The following MALL variants were observed in gnomAD, a reference collection of about 807,000 sequenced individuals.
MALL encodes MAL-like protein.
MALL carries 2 observed loss-of-function variants against 10.3 expected under a neutral mutation model. The ratio of observed to expected loss-of-function variants is 0.19; its 90% CI spans 0.08 to 0.61. The LOEUF (loss-of-function observed/expected upper bound fraction) is 0.61, where lower values mean the gene tolerates loss of function less well. Among genes scored for constraint, MALL ranks in the 20% least tolerant of loss-of-function variants. The pLI, the probability that MALL is intolerant of heterozygous loss-of-function variation, is 0.88. For missense variants in MALL, 39 were observed against 115.2 expected, an observed-to-expected ratio of 0.34 and a Z score of 3.03; for synonymous variants, 27 against 51.8, an observed-to-expected ratio of 0.52 and a Z score of 2.05.
upstream of MALL, among the ~76,000 whole-genome samples, chr2:110,116,887 A>C (rs1342586139): frequency 6.6e-6 from 1 of 152,030 alleles, no homozygotes; most frequent in Non-Finnish European, 1.5e-5. Context: ...AGATTGTGTG[A>C]GGGCTGGAGT....
chr2:110,117,624 T>TGTGTGTGA (rs1292836050), upstream of MALL, among the ~76,000 whole-genome samples: 11 of 122,798 alleles, frequency 9.0e-5, no homozygotes, highest in African/African-American at 2.8e-4. Context: ...TGTGTGTGTG[T>TGTGTGTGA]GAGAGAGAGA....
At chr2:110,095,260 A>C (rs1237194400) in intron 1 of MALL, among the ~76,000 whole-genome samples, 9 of 152,086 alleles carry the variant, frequency 5.9e-5, no homozygotes, top group Non-Finnish European at 1.3e-4. Context: ...TTCCCATTTT[A>C]ATGTTTATTT....
At chr2:110,090,260 AT>A (rs1204282217) in intron 2 of MALL, among the ~76,000 whole-genome samples, 4 of 134,914 alleles carry the variant, frequency 3.0e-5, no homozygotes, top group African/African-American at 1.2e-4. Flanking sequence ...TAAATGAAAA[AT>A]TCCAGAAATT....
At chr2:110,110,170 C>A (rs1362522918) in intron 1 of MALL, among the ~76,000 whole-genome samples, 2 of 151,870 alleles carry the variant, frequency 1.3e-5, no homozygotes, top group African/African-American at 4.8e-5. Context: ...ACTAGAGAAT[C>A]AAGAACAAAC....
chr2:110,111,680 T>C (rs1012427105), intron 1 of MALL, among the ~76,000 whole-genome samples: 1 of 151,830 alleles, frequency 6.6e-6, no homozygotes, highest in African/African-American at 2.4e-5. Context: ...ACAAATTCAA[T>C]GCAATCCCCA....
intron 1 of MALL, among the ~76,000 whole-genome samples, chr2:110,115,462 C>A (rs1678887098): frequency 6.6e-6 from 1 of 150,922 alleles, no homozygotes; most frequent in Non-Finnish European, 1.5e-5. Context: ...ACCGCAGCCC[C>A]TGTGCTCGCT....
At chr2:110,098,210 A>C (rs889452582) in intron 1 of MALL, among the ~76,000 whole-genome samples, 39 of 151,702 alleles carry the variant, frequency 2.6e-4, no homozygotes, top group African/African-American at 9.4e-4. Context: ...CTTTTTAAAA[A>C]TTGTGGTTAA....
At chr2:110,100,803 G>T (rs576338609) in intron 1 of MALL, among the ~76,000 whole-genome samples, 2 of 152,186 alleles carry the variant, frequency 1.3e-5, no homozygotes, top group African/African-American at 2.4e-5. Flanking sequence ...GGGGCCATGC[G>T]GGGGTCTGGG....
intron 1 of MALL, among the ~76,000 whole-genome samples, chr2:110,098,133 G>A (rs930970104): frequency 9.2e-5 from 14 of 151,612 alleles, no homozygotes; most frequent in Non-Finnish European, 1.8e-4. Flanking sequence ...ATTGTCCCTC[G>A]CATTCACGTA....
intron 1 of MALL, among the ~76,000 whole-genome samples, chr2:110,101,935 A>G (rs1440593093): frequency 6.6e-6 from 1 of 152,126 alleles, no homozygotes; most frequent in African/African-American, 2.4e-5. Flanking sequence ...AATGCTGTAA[A>G]GCAGCAAGGG....
chr2:110,103,348 C>T (rs1678617480), intron 1 of MALL, among the ~76,000 whole-genome samples: 1 of 151,912 alleles, frequency 6.6e-6, no homozygotes, highest in African/African-American at 2.4e-5. Context: ...CTTCAGGAGG[C>T]AAAGGGGGCC....
intron 1 of MALL, among the ~76,000 whole-genome samples, chr2:110,109,084 A>G (rs777574907): frequency 1.3e-5 from 2 of 152,172 alleles, no homozygotes; most frequent in Non-Finnish European, 2.9e-5. Flanking sequence ...TCAAAACAGA[A>G]CCTCTTTAAA....
chr2:110,097,681 G>T (rs1678476042), intron 1 of MALL: 1 of 365,646 alleles, frequency 2.7e-6, no homozygotes, highest in African/African-American at 2.1e-5. Context: ...CTGTGGCTGG[G>T]AGGTGTGGGT....
upstream of MALL, among the ~76,000 whole-genome samples, chr2:110,116,984 C>T (rs1678933543): frequency 6.6e-6 from 1 of 152,154 alleles, no homozygotes; most frequent in African/African-American, 2.4e-5. Context: ...GGAGACCAGC[C>T]AGCTTGGCCT....
chr2:110,115,647 C>T, intron 1 of MALL, 41 bp downstream of exon 1: 1 of 1,146,096 alleles, frequency 8.7e-7, no homozygotes, highest in African/African-American at 1.6e-5. Context: ...GTCTCCCCCT[C>T]CCTCTCTGCA....
At chr2:110,107,786 T>C (rs1347585767) in intron 1 of MALL, among the ~76,000 whole-genome samples, 3 of 152,140 alleles carry the variant, frequency 2.0e-5, no homozygotes, top group African/African-American at 7.2e-5. Context: ...CAGAGTCCAC[T>C]GCACCCTCTG....
intron 1 of MALL, among the ~76,000 whole-genome samples, chr2:110,107,928 G>A (rs1395714807): frequency 2.0e-5 from 3 of 152,122 alleles, no homozygotes; most frequent in Non-Finnish European, 4.4e-5. Flanking sequence ...GCTAGATCCA[G>A]AAGAGAGACA....
At chr2:110,100,695 C>G (rs562520640) in intron 1 of MALL, among the ~76,000 whole-genome samples, 1 of 152,184 alleles carries the variant, frequency 6.6e-6, no homozygotes, top group Non-Finnish European at 1.5e-5. Context: ...CACCCCTGGA[C>G]CATTCCTCCC....
chr2:110,107,910 G>A lies in MALL; in HGVS notation c.105+7778C>T, dbSNP rs181062948. Among the ~76,000 whole-genome samples, 8 of 152,254 alleles carry A rather than the reference G, an allele frequency of 5.3e-5. No individual in the cohort carries two copies. In the South Asian group the frequency reaches 8.3e-4, roughly 16 times the overall value. On this transcript the variant is annotated intron_variant, in intron 1 of 3. Transcript: ENST00000272462. ...TACCAGCCCAGAGCCAGGTAAATTC[G>A]CTGGGTGGCTAGATCCAGAAGAGAG...
Sources: gnomAD v4.1 joint callset for allele counts (sites outside exome capture counted in the v4.1 genomes callset) on GRCh38, gnomAD v4.1.1 for gene constraint, MANE v1.5 for transcripts, NCBI Gene and HGNC (gene_info 2026-07-23, HGNC 2026-07-21) for gene names.